Variants in MEIS1 observed in about 807,000 individuals in gnomAD.
The protein encoded by MEIS1 is Meis homeobox 1, also known as homeobox protein Meis1.
A neutral mutation model predicts 50.8 loss-of-function variants in MEIS1; 5 were observed. The observed-to-expected ratio is 0.10, with a 90% CI of 0.05 to 0.21. MEIS1 has a LOEUF of 0.21. MEIS1 is among the 10% of genes least tolerant of loss of function. MEIS1 has a pLI of 1.00. For missense variants in MEIS1, 318 were observed against 517.3 expected, an observed-to-expected ratio of 0.61 and a Z score of 3.74; for synonymous variants, 176 against 179.3, an observed-to-expected ratio of 0.98 and a Z score of 0.15.
chr2:66,547,098 A>G (rs945589744), intron 8 of MEIS1, among the ~76,000 whole-genome samples: 1 of 152,204 alleles, frequency 6.6e-6, no homozygotes, highest in African/African-American at 2.4e-5. Flanking sequence ...CCATATCCTC[A>G]GCTCCTCCCC....
intron 7 of MEIS1, among the ~76,000 whole-genome samples, chr2:66,499,464 A>G (rs1673495320): frequency 1.3e-5 from 2 of 151,964 alleles, no homozygotes; most frequent in African/African-American, 4.8e-5. Context: ...ATTAGCTCTC[A>G]GGCTGCCCTT....
chr2:66,542,768 G>T (rs1674686547), intron 8 of MEIS1, among the ~76,000 whole-genome samples: 1 of 152,106 alleles, frequency 6.6e-6, no homozygotes, highest in African/African-American at 2.4e-5. Context: ...TGGCCAAGGT[G>T]GTGAGGGAGG....
intron 6 of MEIS1, among the ~76,000 whole-genome samples, chr2:66,449,658 A>G (rs1672234580): frequency 6.6e-6 from 1 of 152,180 alleles, no homozygotes; most frequent in African/African-American, 2.4e-5. Context: ...AAGTGAGAAT[A>G]TATTCACTAA....
intron 8 of MEIS1, among the ~76,000 whole-genome samples, chr2:66,533,532 ACACTCTTT>A: frequency 6.6e-6 from 1 of 152,206 alleles, no homozygotes; most frequent in East Asian, 1.9e-4. Flanking sequence ...TCTTTTTTTA[ACACTCTTT>A]AAGTTAGAAT....
At chr2:66,568,937 TCTCA>T (rs1675418794) in intron 11 of MEIS1, 109 bp from the exon 12 acceptor site, 2 of 1,120,990 alleles carry the variant, frequency 1.8e-6, no homozygotes, top group African/African-American at 1.5e-5. Context: ...GCACTGAAGA[TCTCA>T]CTATTTCTCA....
chr2:66,512,034 A>G, intron 7 of MEIS1, 115 bp from the exon 8 acceptor site: 2 of 1,193,764 alleles, frequency 1.7e-6, no homozygotes, highest in Non-Finnish European at 2.2e-6. Flanking sequence ...AGTACCAAAG[A>G]AACTATTAAT....
At chr2:66,473,953 T>C (rs368105541) in intron 7 of MEIS1, among the ~76,000 whole-genome samples, 1 of 152,184 alleles carries the variant, frequency 6.6e-6, no homozygotes, top group African/African-American at 2.4e-5. Context: ...CATCCTCCCA[T>C]ATACTTTAAA....
chr2:66,476,017 C>T (rs1036670765), intron 7 of MEIS1, among the ~76,000 whole-genome samples: 9 of 152,080 alleles, frequency 5.9e-5, no homozygotes, highest in East Asian at 1.9e-4. Context: ...CTGGTGGGTT[C>T]GCCTCATTCT....
intron 6 of MEIS1, among the ~76,000 whole-genome samples, chr2:66,449,150 GAT>G (rs1672223917): frequency 1.3e-5 from 2 of 152,052 alleles, no homozygotes; most frequent in African/African-American, 4.8e-5. Flanking sequence ...CAGTTGTGCG[GAT>G]GTTATTATAG....
At chr2:66,441,960 G>A (rs1671996441) in intron 5 of MEIS1, 1 of 160,414 alleles carries the variant, frequency 6.2e-6, no homozygotes, top group African/African-American at 2.4e-5. Context: ...GTCTGGAGGA[G>A]GTGGTGGGGA....
chr2:66,524,205 C>T (rs571846385), intron 8 of MEIS1, among the ~76,000 whole-genome samples: 1 of 152,266 alleles, frequency 6.6e-6, no homozygotes, highest in African/African-American at 2.4e-5. Context: ...CAACTACCTT[C>T]CTTGCTCATG....
chr2:66,511,973 C>CCT (rs1673842342), intron 7 of MEIS1, among the ~76,000 whole-genome samples, 176 bp from the exon 8 acceptor site: 1 of 152,140 alleles, frequency 6.6e-6, no homozygotes, highest in Non-Finnish European at 1.5e-5. Context: ...TGCTCTTGAG[C>CCT]CTAGGCCTTG....
chr2:66,571,538 A>T lies in MEIS1; in HGVS notation c.*330A>T. On this transcript the variant is annotated 3_prime_UTR_variant, in exon 13 of 13. Coordinates refer to ENST00000272369, the MANE Select transcript of MEIS1 (RefSeq NM_002398.3). Reference sequence around the variant, plus strand: ...ACATTCATGCTCAGTAGCTTAAGGGAATATGCATTGTCTGCAATGGTGACT... The same window carrying T: ...ACATTCATGCTCAGTAGCTTAAGGGTATATGCATTGTCTGCAATGGTGACT... The T allele has an allele frequency of 6.4e-7, 1 of 1,556,974 alleles. No individual in the cohort carries two copies. The highest frequency in any genetic ancestry group is 8.7e-7 in the Non-Finnish European group (1 of 1,150,932).
intron 7 of MEIS1, among the ~76,000 whole-genome samples, chr2:66,505,001 G>C (rs1673653956): frequency 6.6e-6 from 1 of 152,182 alleles, no homozygotes; most frequent in Non-Finnish European, 1.5e-5. Flanking sequence ...AGGCCAAGGA[G>C]TTAACAGAAT....
intron 5 of MEIS1, 177 bp from the exon 6 acceptor site, chr2:66,442,725 G>A: frequency 1.8e-6 from 1 of 564,576 alleles, no homozygotes; most frequent in Non-Finnish European, 3.0e-6. Flanking sequence ...TCTCTATTTT[G>A]CAAGAAAAGA....
In MEIS1 at chr2:66,480,436, T is replaced by C. The variant is rs192599254; in HGVS notation, c.742+16216T>C. Among the ~76,000 whole-genome samples the C allele has an allele frequency of 4.4e-3, 664 of 152,312 alleles. 8 individuals carry two copies. Among genetic ancestry groups the C allele is most frequent in the African/African-American group, 0.015 (625 of 41,558 alleles). ...TGGCAGAATCTAAGCCAGAGTTTCTTTCAAGGAGATTTAGCACACTGGGAT... is the reference window on the plus strand; with the variant it reads ...TGGCAGAATCTAAGCCAGAGTTTCTCTCAAGGAGATTTAGCACACTGGGAT... On this transcript the variant is annotated intron_variant, in intron 7 of 12. Transcript: ENST00000272369.
At chr2:66,436,232 A>T (rs1255857169) in intron 1 of MEIS1, among the ~76,000 whole-genome samples, 1 of 152,246 alleles carries the variant, frequency 6.6e-6, no homozygotes, top group Non-Finnish European at 1.5e-5. Flanking sequence ...GCAGCTGGAA[A>T]CTTCTGATAT....
At chr2:66,480,424 G>C (rs1367840610) in intron 7 of MEIS1, among the ~76,000 whole-genome samples, 2 of 152,138 alleles carry the variant, frequency 1.3e-5, no homozygotes, top group African/African-American at 4.8e-5. Flanking sequence ...CAGAATCTAA[G>C]CCAGAGTTTC....
intron 8 of MEIS1, among the ~76,000 whole-genome samples, chr2:66,537,114 C>A (rs759161842): frequency 6.6e-6 from 1 of 152,184 alleles, no homozygotes; most frequent in Non-Finnish European, 1.5e-5. Flanking sequence ...CTTCAATCCA[C>A]GTCCCTGTAG....
Sources: allele counts gnomAD v4.1 joint callset (sites outside exome capture counted in the v4.1 genomes callset), GRCh38; gene constraint gnomAD v4.1.1; transcripts MANE v1.5; gene names NCBI Gene and HGNC (gene_info 2026-07-23, HGNC 2026-07-21).